Variants in MSI2 observed in about 807,000 individuals in gnomAD.
MSI2 encodes the protein RNA-binding protein Musashi homolog 2.
Under a neutral mutation model 45.6 loss-of-function variants are expected in MSI2, and 17 were observed. The observed-to-expected ratio is 0.37, with a 90% CI of 0.26 to 0.56. The LOEUF is 0.56. MSI2 is among the 20% of genes least tolerant of loss of function. The pLI is 0.77. For missense variants in MSI2, 293 were observed against 444.2 expected (o/e 0.66, Z 3.06); for synonymous variants, 156 against 158.2 (o/e 0.99, Z 0.11).
downstream of MSI2, among the ~76,000 whole-genome samples, chr17:57,687,330 TGAAAG>T (rs1913906748): frequency 2.0e-5 from 3 of 151,658 alleles, no homozygotes; most frequent in Admixed American, 1.3e-4. Flanking sequence ...AAATAGAAGC[TGAAAG>T]CAATAGAATA....
chr17:57,481,243 G>A (rs150982197), intron 6 of MSI2, among the ~76,000 whole-genome samples: 88 of 152,292 alleles, frequency 5.8e-4, no homozygotes, highest in Non-Finnish European at 5.7e-4. Flanking sequence ...AGTAGCAGCC[G>A]GCAAGTAATG....
intron 6 of MSI2, among the ~76,000 whole-genome samples, chr17:57,454,683 C>T (rs1054722158): frequency 1.3e-5 from 2 of 152,182 alleles, no homozygotes; most frequent in East Asian, 1.9e-4. Context: ...GATCTACCCA[C>T]CTCGGCCTCC....
rs548998878 is a variant in MSI2, at chr17:57,632,082, C to T, written c.727+4779C>T. 222 of 1,293,178 alleles carry T rather than the reference C, an allele frequency of 1.7e-4. 1 individual carries two copies. In the South Asian group the frequency reaches 4.0e-3, roughly 24 times the overall value. 80.1% of individuals were successfully genotyped at this position (1,293,178 alleles called of 1,614,324 possible). A position where few individuals can be genotyped will look rare whatever the true frequency, so the allele number is the denominator to read the frequency against. On this transcript the variant is annotated intron_variant, in intron 10 of 13. Transcript: ENST00000284073. ...CTTGTATGCATTGTGACCGACCCCA[C>T]TTCCTCAGAATGTAACGGGGCCAGA...
intron 6 of MSI2, among the ~76,000 whole-genome samples, chr17:57,452,159 G>A (rs929608421): frequency 2.0e-5 from 3 of 152,210 alleles, no homozygotes; most frequent in East Asian, 1.9e-4. Context: ...CAGTTTGGCC[G>A]GCTTCCCTAG....
intron 7 of MSI2, among the ~76,000 whole-genome samples, chr17:57,531,350 A>G (rs1433672267): frequency 6.6e-6 from 1 of 152,182 alleles, no homozygotes. Context: ...CATCTAGTCA[A>G]TTGTGCGTAA....
At chr17:57,577,073 G>C (rs977723941) in intron 7 of MSI2, among the ~76,000 whole-genome samples, 1 of 152,186 alleles carries the variant, frequency 6.6e-6, no homozygotes, top group African/African-American at 2.4e-5. Context: ...CAGTATTACG[G>C]GAAAAATTCC....
intron 10 of MSI2, among the ~76,000 whole-genome samples, chr17:57,645,811 G>C (rs2144666304): frequency 6.6e-6 from 1 of 152,276 alleles, no homozygotes; most frequent in African/African-American, 2.4e-5. Context: ...CCAAAAATCA[G>C]CATTTGTTAA....
At chr17:57,385,823 A>C (rs1050523495) in intron 5 of MSI2, among the ~76,000 whole-genome samples, 1 of 152,158 alleles carries the variant, frequency 6.6e-6, no homozygotes, top group Admixed American at 6.5e-5. Flanking sequence ...ATTACCCTCA[A>C]ATTTAGCAGC....
chr17:57,476,532 T>C (rs753333157), intron 6 of MSI2, among the ~76,000 whole-genome samples: 1 of 152,230 alleles, frequency 6.6e-6, no homozygotes, highest in African/African-American at 2.4e-5. Flanking sequence ...CTTAACACAA[T>C]AGAAGTCTGT....
chr17:57,574,818 C>T (rs1184529006), intron 7 of MSI2, among the ~76,000 whole-genome samples: 1 of 149,148 alleles, frequency 6.7e-6, no homozygotes, highest in East Asian at 2.0e-4. Context: ...ATTCTGCATT[C>T]TCTCTCTCTC....
intron 7 of MSI2, among the ~76,000 whole-genome samples, chr17:57,541,974 G>A (rs748176366): frequency 3.9e-5 from 6 of 152,090 alleles, no homozygotes; most frequent in Admixed American, 1.3e-4. Context: ...ATGTGCGTAC[G>A]CAATGCTGAC....
rs954696143 is a variant in MSI2 at position 57,552,856 on chromosome 17, C to A, written c.454+23132C>A. On this transcript the variant is annotated intron_variant, in intron 7 of 13. Transcript: ENST00000284073. This position sits in a 1 kb window ranked among gnomAD's most constrained non-coding sequence, Gnocchi z 4.3. The stretch of plus-strand genomic sequence containing the variant: ...AAGTGGGGACATAAATATAAACAAC[C>A]CGGAAATCACTGCCCCTAGAATTCA... Among the ~76,000 whole-genome samples, 19 of 152,260 alleles carry A rather than the reference C, an allele frequency of 1.2e-4. No homozygotes were observed. Among genetic ancestry groups the A allele is most frequent in the Admixed American group, 5.2e-4 (8 of 15,298 alleles).
intron 5 of MSI2, among the ~76,000 whole-genome samples, chr17:57,273,537 G>GC (rs1413875011): frequency 5.7e-5 from 3 of 52,700 alleles, no homozygotes; most frequent in East Asian, 9.4e-4. Context: ...GATGTGGGTG[G>GC]GGGGGGGGAC....
In MSI2 at chr17:57,274,815, C is replaced by T. The variant is rs370304960; in HGVS notation, c.312+12623C>T. On this transcript the variant is annotated intron_variant, in intron 5 of 13. Coordinates refer to ENST00000284073, the MANE Select transcript of MSI2 (RefSeq NM_138962.4). Reference sequence around the variant, plus strand: ...GGACTCAGAGGGACCTAGTTTGAAACTTGATAACTGCCACTAACTCTGTGA... The same window carrying T: ...GGACTCAGAGGGACCTAGTTTGAAATTTGATAACTGCCACTAACTCTGTGA... 8.5e-5 allele frequency among the ~76,000 whole-genome samples: 13 copies of T among 152,226 alleles called. No individual in the cohort carries two copies. In the East Asian group the frequency reaches 2.3e-3, roughly 27 times the overall value.
At chr17:57,634,446 A>C (rs1361127408) in intron 10 of MSI2, among the ~76,000 whole-genome samples, 1 of 150,910 alleles carries the variant, frequency 6.6e-6, no homozygotes, top group African/African-American at 2.4e-5. Context: ...AGCCTGGGTG[A>C]CAGAGTGAGA....
At chr17:57,292,112 G>A (rs767387575) in intron 5 of MSI2, among the ~76,000 whole-genome samples, 3 of 152,046 alleles carry the variant, frequency 2.0e-5, no homozygotes, top group South Asian at 2.1e-4. Flanking sequence ...CGCATTCACC[G>A]AGAAGGTCCA....
At position 57,595,164 on chromosome 17, in the gene MSI2, A is replaced by G. The variant is rs141823791; in HGVS notation, c.455-1704A>G. On this transcript the variant is annotated intron_variant, in intron 7 of 13. Coordinates refer to ENST00000284073, the MANE Select transcript of MSI2 (RefSeq NM_138962.4). The stretch of plus-strand genomic sequence containing the variant: ...TAGAGTTGGATGCATGAGAGTCAGA[A>G]GGGACCTGAGAAATTCCCTCTCCGT... Among the ~76,000 whole-genome samples the G allele has an allele frequency of 4.3e-3, 649 of 152,284 alleles. 2 individuals carry two copies. The highest frequency in any genetic ancestry group is 0.015 in the African/African-American group (619 of 41,554).
chr17:57,640,582 T>C (rs1910174745), intron 10 of MSI2, among the ~76,000 whole-genome samples: 1 of 152,106 alleles, frequency 6.6e-6, no homozygotes, highest in Admixed American at 6.5e-5. Context: ...ACTGCAGCCC[T>C]AGGAGGAGGT....
At chr17:57,538,802 CAAG>C (rs992082688) in intron 7 of MSI2, among the ~76,000 whole-genome samples, 3 of 152,278 alleles carry the variant, frequency 2.0e-5, no homozygotes, top group Non-Finnish European at 4.4e-5. Flanking sequence ...AAATCGGTAA[CAAG>C]GAGTTAGAAC....
Sources: gnomAD v4.1 joint callset for allele counts (sites outside exome capture counted in the v4.1 genomes callset) on GRCh38, gnomAD v4.1.1 for gene constraint, Gnocchi (gnomAD v3.1) non-coding constraint, MANE v1.5 for transcripts, NCBI Gene and HGNC (gene_info 2026-07-23, HGNC 2026-07-21) for gene names.